The following ZNF438 variants were observed in gnomAD, a reference collection of about 807,000 sequenced individuals.
ZNF438 encodes zinc finger protein 438.
Under a neutral mutation model 38.0 loss-of-function variants are expected in ZNF438, and 25 were observed. The ratio of observed to expected loss-of-function variants is 0.66; its 90% CI spans 0.48 to 0.92. The LOEUF (loss-of-function observed/expected upper bound fraction) is 0.92. Among genes scored for constraint, ZNF438 ranks in the 40% least tolerant of loss-of-function variants. The pLI, the probability that ZNF438 is intolerant of heterozygous loss-of-function variation, is 0.00. For synonymous variants in ZNF438, 372 were observed against 364.1 expected, an observed-to-expected ratio of 1.02 and a Z score of -0.25; for missense variants, 1,007 against 999.6, an observed-to-expected ratio of 1.01 and a Z score of -0.10.
chr10:30,898,618 G>A (rs1340737593), intron 3 of ZNF438, among the ~76,000 whole-genome samples: 8 of 151,716 alleles, frequency 5.3e-5, no homozygotes, highest in East Asian at 3.9e-4. Context: ...AATAATAACC[G>A]TTCTAAAAGG....
chr10:30,983,969 A>G (rs1308151955), intron 1 of ZNF438, among the ~76,000 whole-genome samples: 1 of 152,182 alleles, frequency 6.6e-6, no homozygotes, highest in Non-Finnish European at 1.5e-5. Flanking sequence ...TTTCTAATTG[A>G]TTACTATTAA....
At chr10:31,012,399 A>C (rs1169113204) in intron 1 of ZNF438, among the ~76,000 whole-genome samples, 3 of 152,162 alleles carry the variant, frequency 2.0e-5, no homozygotes, top group Non-Finnish European at 4.4e-5. Context: ...CTGGGATTAC[A>C]GGCATGAGCC....
intron 1 of ZNF438, among the ~76,000 whole-genome samples, chr10:31,005,257 A>G (rs139769285): frequency 1.4e-4 from 21 of 152,320 alleles, no homozygotes; most frequent in Non-Finnish European, 2.9e-4. Flanking sequence ...ACTGTGAGTT[A>G]TGTGTGTGTA....
chr10:30,978,160 T>A (rs183228802), intron 1 of ZNF438, among the ~76,000 whole-genome samples: 1 of 152,318 alleles, frequency 6.6e-6, no homozygotes, highest in Non-Finnish European at 1.5e-5. Flanking sequence ...TCCAGGGTAC[T>A]ACCAAACATC....
chr10:30,966,028 T>C (rs1280942613), intron 1 of ZNF438, among the ~76,000 whole-genome samples: 1 of 152,146 alleles, frequency 6.6e-6, no homozygotes, highest in African/African-American at 2.4e-5. Context: ...AATCTGGCAG[T>C]CTCATTCATT....
chr10:30,977,488 G>A (rs1329961178), intron 1 of ZNF438, among the ~76,000 whole-genome samples: 3 of 152,158 alleles, frequency 2.0e-5, no homozygotes, highest in Middle Eastern at 3.2e-3. Flanking sequence ...TGTAACTGGT[G>A]TAACATCCCA....
At chr10:30,938,745 T>C (rs920560962) in intron 2 of ZNF438, among the ~76,000 whole-genome samples, 2 of 152,168 alleles carry the variant, frequency 1.3e-5, no homozygotes, top group African/African-American at 2.4e-5. Flanking sequence ...AATATTTTGC[T>C]CCCTATATTT....
At chr10:30,847,772 A>T (rs1421267169) in intron 5 of ZNF438, among the ~76,000 whole-genome samples, 1 of 152,206 alleles carries the variant, frequency 6.6e-6, no homozygotes, top group African/African-American at 2.4e-5. Flanking sequence ...CCTTGCAAGG[A>T]GGTGGCACCT....
intron 3 of ZNF438, among the ~76,000 whole-genome samples, chr10:30,904,032 A>G (rs1002887135): frequency 2.7e-5 from 4 of 150,398 alleles, no homozygotes; most frequent in Non-Finnish European, 5.9e-5. Flanking sequence ...AAAAAAAAAG[A>G]CACAGGAGAC....
chr10:30,910,814 TC>T (rs1477178914), intron 2 of ZNF438, among the ~76,000 whole-genome samples: 1 of 151,734 alleles, frequency 6.6e-6, no homozygotes, highest in African/African-American at 2.4e-5. Flanking sequence ...CCTAGGCCAA[TC>T]TAAATTAATA....
At chr10:30,861,149 G>C (rs1182130449) in intron 4 of ZNF438, among the ~76,000 whole-genome samples, 1 of 152,116 alleles carries the variant, frequency 6.6e-6, no homozygotes, top group Non-Finnish European at 1.5e-5. Context: ...CAAATCCATA[G>C]ATGCTCAAAA....
chr10:30,995,382 G>A (rs1336747428), intron 1 of ZNF438, among the ~76,000 whole-genome samples: 1 of 152,142 alleles, frequency 6.6e-6, no homozygotes, highest in Non-Finnish European at 1.5e-5. Context: ...AAAATACTGT[G>A]AATTATGACT....
At chr10:31,007,516 G>A (rs866782045) in intron 1 of ZNF438, among the ~76,000 whole-genome samples, 4 of 152,056 alleles carry the variant, frequency 2.6e-5, no homozygotes, top group South Asian at 2.1e-4. Context: ...TCCTGACCTC[G>A]TGATCTGCCC....
At chr10:30,960,542 C>A (rs1330282919) in intron 1 of ZNF438, among the ~76,000 whole-genome samples, 1 of 147,006 alleles carries the variant, frequency 6.8e-6, no homozygotes, top group Non-Finnish European at 1.5e-5. Context: ...TTTGTCTTAG[C>A]AGCTCTTCCA....
At chr10:30,859,714 T>A (rs2133105573) in intron 4 of ZNF438, among the ~76,000 whole-genome samples, 1 of 152,356 alleles carries the variant, frequency 6.6e-6, no homozygotes, top group African/African-American at 2.4e-5. Context: ...TGCAAGTAGT[T>A]CCTGCTACAT....
intron 1 of ZNF438, among the ~76,000 whole-genome samples, chr10:30,977,139 T>C (rs1471257317): frequency 1.3e-5 from 2 of 152,166 alleles, no homozygotes; most frequent in African/African-American, 4.8e-5. Flanking sequence ...CAAAACATTC[T>C]CTCAAATAAT....
At chr10:30,883,785 C>G (rs1038475774) in intron 3 of ZNF438, among the ~76,000 whole-genome samples, 9 of 152,146 alleles carry the variant, frequency 5.9e-5, no homozygotes, top group Non-Finnish European at 1.3e-4. Flanking sequence ...ACTCTGGAAG[C>G]TGAGGTGGGA....
intron 3 of ZNF438, among the ~76,000 whole-genome samples, chr10:30,905,975 A>G (rs1434367671): frequency 6.6e-6 from 1 of 152,176 alleles, no homozygotes; most frequent in Non-Finnish European, 1.5e-5. Context: ...CTTTGTAGTA[A>G]GTCTTGAAAT....
chr10:30,880,362 C>G (rs1459039628), intron 3 of ZNF438, among the ~76,000 whole-genome samples: 1 of 144,550 alleles, frequency 6.9e-6, no homozygotes, highest in African/African-American at 2.5e-5. Flanking sequence ...ACCCAGGAGG[C>G]GGAGGCTGCA....
Sources: gnomAD v4.1 joint callset for allele counts (sites outside exome capture counted in the v4.1 genomes callset) on GRCh38, gnomAD v4.1.1 for gene constraint, MANE v1.5 for transcripts, NCBI Gene and HGNC (gene_info 2026-07-23, HGNC 2026-07-21) for gene names.